The following DACH1 variants were observed in gnomAD, a reference collection of about 807,000 sequenced individuals.
DACH1 encodes dachshund homolog 1.
A neutral mutation model predicts 54.2 loss-of-function variants in DACH1; 12 were observed. The observed-to-expected ratio is 0.22, with a 90% CI of 0.14 to 0.36. DACH1 has a LOEUF of 0.36. DACH1 is among the 10% of genes least tolerant of loss of function. DACH1 has a pLI of 1.00. For synonymous variants in DACH1, 386 were observed against 366.2 expected (o/e 1.05, Z -0.62); for missense variants, 805 against 929.8 (o/e 0.87, Z 1.75).
intron 2 of DACH1, among the ~76,000 whole-genome samples, chr13:71,678,585 G>A (rs111521795): frequency 1.3e-5 from 2 of 151,814 alleles, no homozygotes; most frequent in Non-Finnish European, 2.9e-5. Context: ...AAACTAACTC[G>A]CTCCCTGCCT....
At chr13:71,609,531 T>C (rs1266095487) in intron 3 of DACH1, among the ~76,000 whole-genome samples, 1 of 147,938 alleles carries the variant, frequency 6.8e-6, no homozygotes, top group Admixed American at 6.7e-5. Flanking sequence ...TTAAAACCCT[T>C]AGAAGTTGAC....
chr13:71,767,422 T>C (rs1404020027), intron 1 of DACH1, among the ~76,000 whole-genome samples: 1 of 152,040 alleles, frequency 6.6e-6, no homozygotes, highest in African/African-American at 2.4e-5. Flanking sequence ...TAAAAATTAA[T>C]CATGGTGAAT....
intron 3 of DACH1, among the ~76,000 whole-genome samples, chr13:71,594,313 T>G (rs919849977): frequency 2.0e-5 from 3 of 152,072 alleles, no homozygotes; most frequent in Non-Finnish European, 4.4e-5. Context: ...GAAAGCTATT[T>G]AATTTACAAA....
At chr13:71,575,721 G>GT (rs1343634009) in intron 3 of DACH1, among the ~76,000 whole-genome samples, 4 of 151,966 alleles carry the variant, frequency 2.6e-5, no homozygotes, top group African/African-American at 9.7e-5. Context: ...ATTTTCTCTA[G>GT]TAAGTTTCTA....
At chr13:71,671,724 T>C (rs1880218995) in intron 2 of DACH1, among the ~76,000 whole-genome samples, 1 of 152,088 alleles carries the variant, frequency 6.6e-6, no homozygotes. Context: ...TATAGCCTAT[T>C]AAATAAATTG....
intron 1 of DACH1, among the ~76,000 whole-genome samples, chr13:71,747,876 A>G (rs1884667965): frequency 6.6e-6 from 1 of 152,122 alleles, no homozygotes; most frequent in Admixed American, 6.6e-5. Flanking sequence ...ACCGATAGGT[A>G]GGACTTTGGA....
chr13:71,619,154 G>C (rs1876017607), intron 3 of DACH1, among the ~76,000 whole-genome samples: 3 of 151,420 alleles, frequency 2.0e-5, no homozygotes, highest in Admixed American at 2.0e-4. Flanking sequence ...ATATATTTTA[G>C]AAAAAGTAAG....
intron 1 of DACH1, among the ~76,000 whole-genome samples, chr13:71,784,022 T>G (rs1594217320): frequency 6.9e-6 from 1 of 144,224 alleles, no homozygotes; most frequent in Admixed American, 6.8e-5. Context: ...AGCATAAAAG[T>G]AAAAACTTAT....
intron 6 of DACH1, among the ~76,000 whole-genome samples, chr13:71,499,463 T>C (rs1182414520): frequency 2.6e-5 from 4 of 152,216 alleles, no homozygotes; most frequent in African/African-American, 9.6e-5. Context: ...TGTTTTTAGA[T>C]GACTGACTCA....
intron 2 of DACH1, among the ~76,000 whole-genome samples, chr13:71,634,033 C>T (rs1228765378): frequency 2.0e-5 from 3 of 150,062 alleles, no homozygotes; most frequent in African/African-American, 7.4e-5. Context: ...AGTGCAATGG[C>T]GTGATCTCTG....
intron 1 of DACH1, among the ~76,000 whole-genome samples, chr13:71,805,646 C>T (rs1887468081): frequency 6.6e-6 from 1 of 152,120 alleles, no homozygotes; most frequent in South Asian, 2.1e-4. Flanking sequence ...CTGAAATGCA[C>T]TGAATCCCCT....
chr13:71,674,348 T>C (rs959133078), intron 2 of DACH1, among the ~76,000 whole-genome samples: 1 of 152,126 alleles, frequency 6.6e-6, no homozygotes, highest in African/African-American at 2.4e-5. Context: ...GATGTGATTA[T>C]ATTAAGGATC....
chr13:71,647,546 C>A (rs900678117), intron 2 of DACH1, among the ~76,000 whole-genome samples: 2 of 152,154 alleles, frequency 1.3e-5, no homozygotes, highest in African/African-American at 2.4e-5. Context: ...ATCGTTCCCA[C>A]GGGACATCTA....
intron 10 of DACH1, chr13:71,464,831 G>A (rs923115465): frequency 1.3e-5 from 5 of 392,724 alleles, no homozygotes; most frequent in Non-Finnish European, 2.5e-5. Flanking sequence ...ACTATGTTTA[G>A]TATCAAGAGA....
intron 6 of DACH1, among the ~76,000 whole-genome samples, chr13:71,545,009 C>A (rs924929412): frequency 6.6e-6 from 1 of 152,058 alleles, no homozygotes; most frequent in Admixed American, 6.6e-5. Context: ...TATCTTACTT[C>A]TATGAGCTGT....
At chr13:71,824,608 C>A (rs1337535706) in intron 1 of DACH1, among the ~76,000 whole-genome samples, 1 of 151,942 alleles carries the variant, frequency 6.6e-6, no homozygotes, top group Non-Finnish European at 1.5e-5. Flanking sequence ...AGGTCTGCAA[C>A]TAGAGTTTTT....
At chr13:71,783,991 A>AC (rs1886490886) in intron 1 of DACH1, among the ~76,000 whole-genome samples, 1 of 150,882 alleles carries the variant, frequency 6.6e-6, no homozygotes, top group Non-Finnish European at 1.5e-5. Context: ...CAAAAAAAAA[A>AC]CTAAAGATAA....
chr13:71,580,598 T>C (rs1415311644), intron 3 of DACH1, among the ~76,000 whole-genome samples: 1 of 152,182 alleles, frequency 6.6e-6, no homozygotes, highest in African/African-American at 2.4e-5. Flanking sequence ...TTGAGGAAAA[T>C]TGCTATTGAA....
At chr13:71,837,449 A>G (rs1888837850) in intron 1 of DACH1, among the ~76,000 whole-genome samples, 1 of 152,038 alleles carries the variant, frequency 6.6e-6, no homozygotes. Context: ...AGTGTAACAG[A>G]CACCTGAGCT....
Sources: gnomAD v4.1 joint callset for allele counts (sites outside exome capture counted in the v4.1 genomes callset) on GRCh38, gnomAD v4.1.1 for gene constraint, MANE v1.5 for transcripts, NCBI Gene and HGNC (gene_info 2026-07-23, HGNC 2026-07-21) for gene names.